Variants in ARMC2 observed in about 807,000 individuals in gnomAD.
ARMC2 encodes the protein armadillo repeat containing 2.
In ARMC2, 67 loss-of-function variants were observed where a neutral mutation model predicts 90.3. That is an observed-to-expected ratio of 0.74 (90% CI 0.61 to 0.91). The LOEUF (loss-of-function observed/expected upper bound fraction) is 0.91. Among genes scored for constraint, ARMC2 ranks in the 40% least tolerant of loss-of-function variants. The pLI, the probability that ARMC2 is intolerant of heterozygous loss-of-function variation, is 0.00. For synonymous variants in ARMC2, 393 were observed against 393.0 expected, an observed-to-expected ratio of 1.00 and a Z score of 0.00; for missense variants, 920 against 1,030.9, an observed-to-expected ratio of 0.89 and a Z score of 1.47.
At position 108,946,265 on chromosome 6, in the gene ARMC2, A is replaced by G. The variant is rs114158861; in HGVS notation, c.1597-6768A>G. Among the ~76,000 whole-genome samples the G allele has an allele frequency of 1.2e-3, 188 of 152,358 alleles. 1 individual carries two copies. The highest frequency in any genetic ancestry group is 4.4e-3 in the African/African-American group (181 of 41,592). Reference sequence around the variant, plus strand: ...GTACTTTTGAGTGACATTCAGAGGCATATCGTGGGTGCTCAATAAATGATT... The same window carrying G: ...GTACTTTTGAGTGACATTCAGAGGCGTATCGTGGGTGCTCAATAAATGATT... On this transcript the variant is annotated intron_variant, in intron 12 of 17. Coordinates refer to ENST00000392644, the MANE Select transcript of ARMC2 (RefSeq NM_032131.6).
intron 3 of ARMC2, among the ~76,000 whole-genome samples, chr6:108,858,649 CAT>C (rs925135824): frequency 2.7e-5 from 4 of 150,470 alleles, no homozygotes; most frequent in African/African-American, 7.3e-5. Flanking sequence ...ATATAAAAAT[CAT>C]ATATATTTAT....
intron 13 of ARMC2, among the ~76,000 whole-genome samples, chr6:108,954,063 A>G (rs1319592051): frequency 3.3e-5 from 5 of 152,146 alleles, no homozygotes; most frequent in Non-Finnish European, 5.9e-5. Context: ...GGTAGGGGAC[A>G]GTCTGTCTCT....
At chr6:109,009,552 C>T in the ARMC2 span, 2 of 991,300 alleles carry the variant, frequency 2.0e-6, no homozygotes, top group Non-Finnish European at 1.2e-6. Flanking sequence ...TCAGCACGGA[C>T]GGCGGGGGGG....
chr6:108,961,579 G>C lies in ARMC2; in HGVS notation c.1923G>C (p.Lys641Asn). The change falls in exon 14 of 18, where the codon AAG (lysine) becomes AAC (asparagine). Residue 641 changes from lysine to asparagine, a missense_variant. Lys to Asn is a moderately conservative substitution (Grantham distance 94, BLOSUM62 0). Coordinates refer to ENST00000392644, the MANE Select transcript of ARMC2 (RefSeq NM_032131.6). Reference sequence around the variant, plus strand: ...ATCCTTACTTCATTTCAGAATACAAGTCACTTGATGATTGTGAGGAGCTGG... The same window carrying C: ...ATCCTTACTTCATTTCAGAATACAACTCACTTGATGATTGTGAGGAGCTGG... Reference protein sequence around the residue: ...VGLLLTTLEYKSLDDCEELVI... With the variant: ...VGLLLTTLEYNSLDDCEELVI... The C allele has an allele frequency of 1.2e-6, 2 of 1,607,758 alleles. No homozygotes were observed. The highest frequency in any genetic ancestry group is 2.2e-5 in the East Asian group (1 of 44,768).
the ARMC2 span, chr6:108,987,083 T>C: frequency 6.5e-6 from 1 of 153,512 alleles, no homozygotes; most frequent in Non-Finnish European, 1.5e-5. Context: ...TGTTCACTTT[T>C]ATTACTAATA....
chr6:108,948,519 T>C (rs1166805020), intron 12 of ARMC2, among the ~76,000 whole-genome samples: 1 of 150,638 alleles, frequency 6.6e-6, no homozygotes, highest in Non-Finnish European at 1.5e-5. Flanking sequence ...GCTGGAAGTT[T>C]GGTGCTGCAG....
At chr6:108,907,577 C>T (rs1483291259) in intron 8 of ARMC2, 25 of 1,512,474 alleles carry the variant, frequency 1.7e-5, no homozygotes, top group Middle Eastern at 2.3e-4. Context: ...GGGCCAAGGT[C>T]GTGGGGTGGG....
chr6:109,035,507 C>G, the ARMC2 span, among the ~76,000 whole-genome samples: 23 of 150,930 alleles, frequency 1.5e-4, no homozygotes, highest in Non-Finnish European at 2.7e-4. Flanking sequence ...GTGTTCAGGA[C>G]TCTTGGGGAC....
the ARMC2 span, among the ~76,000 whole-genome samples, chr6:109,012,578 T>G: frequency 1.3e-5 from 2 of 152,148 alleles, no homozygotes; most frequent in African/African-American, 4.8e-5. Flanking sequence ...GAATGGTGGT[T>G]CAAGATAGGC....
the ARMC2 span, among the ~76,000 whole-genome samples, chr6:108,991,264 C>T: frequency 3.3e-5 from 5 of 151,886 alleles, no homozygotes; most frequent in East Asian, 9.7e-4. Flanking sequence ...TTTTAAGAGA[C>T]AAGGTCTCAC....
At chr6:109,020,807 A>C in the ARMC2 span, among the ~76,000 whole-genome samples, 4 of 152,192 alleles carry the variant, frequency 2.6e-5, no homozygotes, top group Non-Finnish European at 5.9e-5. Context: ...ATTTTGCTTC[A>C]GTTTGCCAAA....
Position 108,892,930 on chromosome 6 carries a change from T to C in ARMC2, c.672-1537T>C, listed in dbSNP as rs78180847. On this transcript the variant is annotated intron_variant, in intron 5 of 17. Coordinates refer to ENST00000392644, the MANE Select transcript of ARMC2 (RefSeq NM_032131.6). ...AGAAGCCACGGGCACATACAGATGT[T>C]CACAGGGACTATCACATGTATAAGC... Among the ~76,000 whole-genome samples, 644 of 152,334 alleles carry C rather than the reference T, an allele frequency of 4.2e-3. 3 individuals carry two copies. The highest frequency in any genetic ancestry group is 0.015 in the African/African-American group (605 of 41,574).
intron 1 of ARMC2, among the ~76,000 whole-genome samples, chr6:108,852,083 A>G (rs1029260209): frequency 2.6e-5 from 4 of 152,134 alleles, no homozygotes; most frequent in African/African-American, 7.2e-5. Context: ...CTGTAGGACT[A>G]TTGTGTTATG....
the ARMC2 span, among the ~76,000 whole-genome samples, chr6:109,017,430 C>T: frequency 6.6e-6 from 1 of 152,070 alleles, no homozygotes; most frequent in Non-Finnish European, 1.5e-5. Context: ...GGACTACAGG[C>T]ACCCACCACC....
At position 108,912,346 on chromosome 6, in the gene ARMC2, G is replaced by T; in HGVS notation, c.1138G>T (p.Glu380Ter). Reference protein sequence around the residue: ...QNDSILESLLEVLRSEDLQTN... With the variant: ...QNDSILESLL ...AATCTTTTTGACAGAATCATTATTG[G>T]AGGTACTAAGAAGTGAAGACCTGCA... The change falls in exon 10 of 18, where the codon GAG becomes TAG. Residue 380 changes from glutamate (E) to a stop codon, truncating the protein, a stop_gained. Coordinates refer to ENST00000392644, the MANE Select transcript of ARMC2 (RefSeq NM_032131.6). LOFTEE classifies it high-confidence loss of function. 1 of 1,598,076 alleles carries T rather than the reference G, an allele frequency of 6.3e-7. No homozygotes were observed. Among genetic ancestry groups the T allele is most frequent in the Non-Finnish European group, 8.5e-7 (1 of 1,172,278 alleles).
At chr6:109,013,826 T>C in the ARMC2 span, among the ~76,000 whole-genome samples, 1 of 152,240 alleles carries the variant, frequency 6.6e-6, no homozygotes, top group Admixed American at 6.5e-5. Flanking sequence ...AAATGCTGGT[T>C]TATAAGACTA....
the ARMC2 span, chr6:108,998,879 A>G: frequency 2.5e-6 from 3 of 1,186,560 alleles, no homozygotes; most frequent in East Asian, 5.1e-5. Flanking sequence ...TAAAATTATC[A>G]TTTGAAACAT....
the ARMC2 span, among the ~76,000 whole-genome samples, chr6:109,007,136 C>T: frequency 1.3e-5 from 2 of 152,196 alleles, no homozygotes; most frequent in Non-Finnish European, 2.9e-5. Flanking sequence ...CACAATATTA[C>T]TTCTGATGTT....
rs1010952333 is a variant in ARMC2 at position 108,894,488 on chromosome 6, G to A, written c.693G>A (p.Ala231=). 24 of 1,611,590 alleles carry A rather than the reference G, an allele frequency of 1.5e-5. No individual in the cohort carries two copies. In the African/African-American group the frequency reaches 2.8e-4, roughly 19 times the overall value. Residue 231 remains alanine (A), a synonymous_variant, in exon 6 of 18, where the codon GCG becomes GCA. Coordinates refer to ENST00000392644, the MANE Select transcript of ARMC2 (RefSeq NM_032131.6). ...CTAGGGACCAGGGGAAGAGACATGC[G>A]AGGGCCTCATCATGCCCCAGTAGCT... is the stretch of plus-strand genomic sequence containing the variant. ...KNGGDQGKRH[A]RASSCPSSSD...
Sources: gnomAD v4.1 joint callset for allele counts (sites outside exome capture counted in the v4.1 genomes callset) on GRCh38, gnomAD v4.1.1 for gene constraint, MANE v1.5 for transcripts, NCBI Gene and HGNC (gene_info 2026-07-23, HGNC 2026-07-21) for gene names.